Variants in PPP1R9A observed in about 807,000 individuals in gnomAD.
The protein encoded by PPP1R9A is protein phosphatase 1 regulatory subunit 9A.
A neutral mutation model predicts 141.9 loss-of-function variants in PPP1R9A; 59 were observed. The observed-to-expected ratio is 0.42, with a 90% CI of 0.34 to 0.52. PPP1R9A has a LOEUF of 0.52. PPP1R9A is among the 20% of genes least tolerant of loss of function. PPP1R9A has a pLI of 0.10. For missense variants in PPP1R9A, 1,444 were observed against 1,611.9 expected (o/e 0.90, Z 1.78); for synonymous variants, 500 against 569.7 (o/e 0.88, Z 1.74).
At chr7:95,152,361 TAA>T (rs1205237919) in intron 4 of PPP1R9A, among the ~76,000 whole-genome samples, 2 of 152,204 alleles carry the variant, frequency 1.3e-5, no homozygotes, top group Non-Finnish European at 2.9e-5. Flanking sequence ...ATGTTTACAT[TAA>T]GTTAATATTT....
At position 94,921,221 on chromosome 7, in the gene PPP1R9A, C is replaced by T. The variant is rs1027143845; in HGVS notation, c.1395+9713C>T. 1.1e-4 allele frequency among the ~76,000 whole-genome samples: 16 copies of T among 151,738 alleles called. 1 individual carries two copies. In the South Asian group the frequency reaches 2.3e-3, roughly 22 times the overall value. On this transcript the variant is annotated intron_variant, in intron 2 of 19. Coordinates refer to ENST00000433360, the MANE Select transcript of PPP1R9A (RefSeq NM_001166160.2). ...CAACACTTTGGGAGGCTGTGGCGGG[C>T]GGATCACGAGGTCAGGAAATCGAGA...
At chr7:95,273,391 A>G (rs944175234) in intron 14 of PPP1R9A, among the ~76,000 whole-genome samples, 1 of 152,182 alleles carries the variant, frequency 6.6e-6, no homozygotes, top group African/African-American at 2.4e-5. Flanking sequence ...AGAGCCAGAG[A>G]AGAAAACTTT....
intron 2 of PPP1R9A, among the ~76,000 whole-genome samples, chr7:94,926,670 CT>C: frequency 6.6e-6 from 1 of 151,714 alleles, no homozygotes; most frequent in East Asian, 1.9e-4. Context: ...AATGTGGTTT[CT>C]TTTGTTTTTT....
At chr7:95,206,383 A>G (rs1249563093) in intron 7 of PPP1R9A, among the ~76,000 whole-genome samples, 3 of 152,184 alleles carry the variant, frequency 2.0e-5, no homozygotes, top group Non-Finnish European at 4.4e-5. Context: ...AATTTGACAT[A>G]GAGTGAAATG....
intron 7 of PPP1R9A, among the ~76,000 whole-genome samples, chr7:95,217,781 A>T (rs1483241515): frequency 6.6e-6 from 1 of 152,142 alleles, no homozygotes; most frequent in Non-Finnish European, 1.5e-5. Flanking sequence ...GTATTCTGTG[A>T]TGGTAGTTTG....
intron 2 of PPP1R9A, among the ~76,000 whole-genome samples, chr7:94,932,048 AAG>A (rs1794227811): frequency 6.6e-6 from 1 of 152,184 alleles, no homozygotes; most frequent in South Asian, 2.1e-4. Context: ...TAGGTGATGG[AAG>A]AGTCATTAGC....
At chr7:95,130,365 T>C (rs1163314922) in intron 4 of PPP1R9A, among the ~76,000 whole-genome samples, 1 of 152,156 alleles carries the variant, frequency 6.6e-6, no homozygotes, top group Non-Finnish European at 1.5e-5. Context: ...AAGTCAAGAA[T>C]TGGGGTTTGA....
At chr7:95,236,196 AG>A in intron 8 of PPP1R9A, among the ~76,000 whole-genome samples, 1 of 152,224 alleles carries the variant, frequency 6.6e-6, no homozygotes, top group East Asian at 1.9e-4. Context: ...AATATAAATT[AG>A]GAAGTTTTTC....
intron 7 of PPP1R9A, among the ~76,000 whole-genome samples, chr7:95,220,194 C>T (rs1320137049): frequency 1.3e-5 from 2 of 151,954 alleles, no homozygotes; most frequent in Admixed American, 6.6e-5. Context: ...ATGTTTTTGC[C>T]GAAAGGCCTC....
At chr7:95,210,262 T>C (rs1447538905) in intron 7 of PPP1R9A, among the ~76,000 whole-genome samples, 2 of 152,120 alleles carry the variant, frequency 1.3e-5, no homozygotes, top group Non-Finnish European at 2.9e-5. Flanking sequence ...TAAATATGTA[T>C]GATAAAAAAT....
intron 2 of PPP1R9A, among the ~76,000 whole-genome samples, chr7:94,976,176 G>C (rs574800286): frequency 1.8e-4 from 28 of 151,988 alleles, no homozygotes; most frequent in Non-Finnish European, 4.0e-4. Flanking sequence ...TATCTGTCAA[G>C]TATGGTGATG....
intron 14 of PPP1R9A, among the ~76,000 whole-genome samples, chr7:95,272,643 GTGCT>G (rs1802385747): frequency 6.6e-6 from 1 of 152,156 alleles, no homozygotes; most frequent in Non-Finnish European, 1.5e-5. Flanking sequence ...TCAGTGTCCT[GTGCT>G]GCTTGAGAGC....
chr7:94,963,600 G>A (rs1057256398), intron 2 of PPP1R9A, among the ~76,000 whole-genome samples: 15 of 152,116 alleles, frequency 9.9e-5, no homozygotes, highest in African/African-American at 3.4e-4. Flanking sequence ...CATCCATGTT[G>A]TAGTGTATAC....
intron 2 of PPP1R9A, among the ~76,000 whole-genome samples, chr7:94,940,217 C>T (rs1046685790): frequency 6.6e-6 from 1 of 152,106 alleles, no homozygotes; most frequent in African/African-American, 2.4e-5. Flanking sequence ...GCTGCTGTTA[C>T]TATTCACATT....
chr7:95,110,383 C>T (rs992104907), intron 2 of PPP1R9A, among the ~76,000 whole-genome samples: 2 of 152,030 alleles, frequency 1.3e-5, no homozygotes, highest in African/African-American at 2.4e-5. Flanking sequence ...AGCACAGTTT[C>T]TTTAGGCACA....
At chr7:95,059,586 A>G (rs1374983751) in intron 2 of PPP1R9A, among the ~76,000 whole-genome samples, 1 of 152,228 alleles carries the variant, frequency 6.6e-6, no homozygotes, top group African/African-American at 2.4e-5. Context: ...CATGAAAGGT[A>G]GTCCTAAAGT....
chr7:95,273,762 G>T, intron 14 of PPP1R9A, 137 bp from the exon 15 acceptor site: 1 of 824,856 alleles, frequency 1.2e-6, no homozygotes, highest in Non-Finnish European at 1.9e-6. Context: ...CTCCTAGGTC[G>T]TATAAGAAGG....
chr7:95,264,369 T>C (rs1800924357), intron 12 of PPP1R9A, among the ~76,000 whole-genome samples: 1 of 152,132 alleles, frequency 6.6e-6, no homozygotes, highest in African/African-American at 2.4e-5. Flanking sequence ...GCTGCTCCAT[T>C]CCCCTAGTTC....
intron 4 of PPP1R9A, among the ~76,000 whole-genome samples, chr7:95,147,549 A>T (rs1827860136): frequency 1.3e-5 from 2 of 152,198 alleles, no homozygotes; most frequent in South Asian, 4.1e-4. Context: ...AGGAGTGGGG[A>T]GAGAGGGCTT....
Sources: allele counts gnomAD v4.1 joint callset (sites outside exome capture counted in the v4.1 genomes callset), GRCh38; gene constraint gnomAD v4.1.1; transcripts MANE v1.5; gene names NCBI Gene and HGNC (gene_info 2026-07-23, HGNC 2026-07-21).